The following MARCHF1 variants were observed in gnomAD, a reference collection of about 807,000 sequenced individuals.
MARCHF1 encodes E3 ubiquitin-protein ligase MARCHF1.
In MARCHF1, 40 loss-of-function variants were observed where a neutral mutation model predicts 54.2. That is an observed-to-expected ratio of 0.74 (90% confidence interval 0.57 to 0.96). The LOEUF is 0.96. Among genes scored for constraint, MARCHF1 ranks in the 40% least tolerant of loss-of-function variants. The pLI is 0.00. For synonymous variants in MARCHF1, 236 were observed against 236.3 expected (o/e 1.00, Z 0.01); for missense variants, 586 against 656.5 (o/e 0.89, Z 1.17).
intron 2 of MARCHF1, among the ~76,000 whole-genome samples, chr4:164,078,574 TCAA>T (rs1474340375): frequency 6.6e-6 from 1 of 152,092 alleles, no homozygotes; most frequent in Non-Finnish European, 1.5e-5. Flanking sequence ...TTTGTTGTGT[TCAA>T]CAAAGTAAAA....
intron 8 of MARCHF1, among the ~76,000 whole-genome samples, chr4:163,566,110 C>T (rs1739636253): frequency 6.6e-6 from 1 of 152,152 alleles, no homozygotes. Flanking sequence ...CTAAAAATCA[C>T]CATAAAGCAA....
At chr4:163,948,132 T>A (rs917907878) in intron 3 of MARCHF1, among the ~76,000 whole-genome samples, 1 of 152,226 alleles carries the variant, frequency 6.6e-6, no homozygotes, top group African/African-American at 2.4e-5. Context: ...AGAACAAAGA[T>A]CTATCTGATG....
chr4:164,017,429 C>T (rs535045245), intron 2 of MARCHF1, among the ~76,000 whole-genome samples: 3 of 151,892 alleles, frequency 2.0e-5, no homozygotes, highest in African/African-American at 7.2e-5. Flanking sequence ...GTCTAATGAA[C>T]CTCACAGAAA....
Position 164,025,901 on chromosome 4 carries a change from C to A in MARCHF1, c.-247-37192G>T, listed in dbSNP as rs115719204. ...TGGCAAGGATGGTATTACTCCCAAT[C>A]CCACAGAAATATAAAAGATTATCAG... On this transcript the variant is annotated intron_variant, in intron 2 of 9. Transcript: ENST00000514618. Among the ~76,000 whole-genome samples the A allele has an allele frequency of 3.2e-3, 480 of 152,034 alleles. 3 individuals carry two copies. The highest frequency in any genetic ancestry group is 0.011 in the African/African-American group (464 of 41,512).
At chr4:164,091,410 T>TTTTATACATATA (rs145149996) in intron 2 of MARCHF1, among the ~76,000 whole-genome samples, 1 of 136,944 alleles carries the variant, frequency 7.3e-6, no homozygotes, top group African/African-American at 2.7e-5. Flanking sequence ...TCACCAAGTT[T>TTTTATACATATA]TATATATATA....
At chr4:163,837,504 C>A (rs1749222770) in intron 4 of MARCHF1, among the ~76,000 whole-genome samples, 1 of 151,826 alleles carries the variant, frequency 6.6e-6, no homozygotes, top group Non-Finnish European at 1.5e-5. Flanking sequence ...ACATATCAAA[C>A]AAAACTTGTA....
At chr4:163,749,816 C>G (rs1040319682) in intron 4 of MARCHF1, among the ~76,000 whole-genome samples, 1 of 151,958 alleles carries the variant, frequency 6.6e-6, no homozygotes, top group African/African-American at 2.4e-5. Flanking sequence ...GTGATCCCCA[C>G]TTCGGGAGGC....
At chr4:164,312,866 T>C (rs765117881) in intron 1 of MARCHF1, among the ~76,000 whole-genome samples, 9 of 152,254 alleles carry the variant, frequency 5.9e-5, no homozygotes, top group Non-Finnish European at 1.2e-4. Flanking sequence ...TCAGCCTGCA[T>C]GAGCCCTGTG....
At position 164,274,659 on chromosome 4, in the gene MARCHF1, C is replaced by CTTCTTTTTTTTTTTTTTTTTT. The variant is rs1733826760; in HGVS notation, c.-323+109210_-323+109211insAAAAAAAAAAAAAAAAAAGAA. Among the ~76,000 whole-genome samples the CTTCTTTTTTTTTTTTTTTTTT allele has an allele frequency of 4.9e-4, 22 of 44,658 alleles. 8 individuals carry two copies. Among genetic ancestry groups the CTTCTTTTTTTTTTTTTTTTTT allele is most frequent in the African/African-American group, 1.4e-3 (19 of 13,418 alleles). The allele number at this position is 44,658 out of a possible 152,430, so 29.3% of individuals were successfully genotyped here. A position where few individuals can be genotyped will look rare whatever the true frequency, so the allele number is the denominator to read the frequency against. ...CGCTTGATGTGTGCTTCAGGGTACA[C>CTTCTTTTTTTTTTTTTTTTTT]TTTTTTTTTTTTTTTTTTTTTTTTT... On this transcript the variant is annotated intron_variant, in intron 1 of 9. Coordinates refer to ENST00000514618, the MANE Select transcript of MARCHF1 (RefSeq NM_001394959.1).
intron 9 of MARCHF1, among the ~76,000 whole-genome samples, chr4:163,536,830 G>A (rs1333910213): frequency 6.6e-6 from 1 of 151,940 alleles, no homozygotes; most frequent in African/African-American, 2.4e-5. Context: ...TCCTTCACAA[G>A]GTATCTCTGA....
At chr4:164,110,476 A>C (rs945216757) in intron 2 of MARCHF1, among the ~76,000 whole-genome samples, 1 of 151,798 alleles carries the variant, frequency 6.6e-6, no homozygotes, top group African/African-American at 2.4e-5. Context: ...AAATTTCTAA[A>C]ATCTATTCTA....
chr4:164,176,980 C>CTATATATATATATA (rs71595261), intron 1 of MARCHF1, among the ~76,000 whole-genome samples: 51 of 58,886 alleles, frequency 8.7e-4, no homozygotes, highest in African/African-American at 3.0e-3. Context: ...CTCTCTCTCT[C>CTATATATATATATA]TATATATATA....
rs1202110463 is a variant in MARCHF1, at chr4:163,994,764, C to CAA, written c.-247-6056_-247-6055insTT. ...ATACACACACACACACACACACACA[C>CAA]ACACACACACACACACACACACACA... On this transcript the variant is annotated intron_variant, in intron 2 of 9. Transcript: ENST00000514618. Among the ~76,000 whole-genome samples the CAA allele has an allele frequency of 5.0e-4, 56 of 112,226 alleles. 1 individual carries two copies. Among genetic ancestry groups the CAA allele is most frequent in the African/African-American group, 1.7e-3 (52 of 30,902 alleles). 73.6% of individuals were successfully genotyped at this position (112,226 alleles called of 152,430 possible). A position where few individuals can be genotyped will look rare whatever the true frequency, so the allele number is the denominator to read the frequency against.
At chr4:163,870,682 G>A (rs555729032) in intron 3 of MARCHF1, among the ~76,000 whole-genome samples, 4 of 152,044 alleles carry the variant, frequency 2.6e-5, no homozygotes, top group Admixed American at 6.6e-5. Flanking sequence ...CCTGTCATTC[G>A]CAAAAAAATG....
chr4:164,252,136 T>C (rs1733146695), intron 1 of MARCHF1, among the ~76,000 whole-genome samples: 1 of 152,166 alleles, frequency 6.6e-6, no homozygotes. Flanking sequence ...ACTTAAGCCA[T>C]ACAATTAAAA....
intron 1 of MARCHF1, among the ~76,000 whole-genome samples, chr4:164,162,638 A>G (rs1042532534): frequency 6.6e-6 from 1 of 152,122 alleles, no homozygotes; most frequent in African/African-American, 2.4e-5. Flanking sequence ...AGAGGATTCA[A>G]AAAACATTAT....
intron 4 of MARCHF1, among the ~76,000 whole-genome samples, chr4:163,705,669 G>A (rs936256820): frequency 2.0e-5 from 3 of 151,624 alleles, no homozygotes; most frequent in Non-Finnish European, 3.0e-5. Context: ...AAGAATTGAA[G>A]GAAACCCCTT....
intron 2 of MARCHF1, among the ~76,000 whole-genome samples, chr4:164,000,615 T>G (rs554275861): frequency 2.6e-4 from 39 of 151,714 alleles, no homozygotes; most frequent in Admixed American, 1.1e-3. Flanking sequence ...TTAGATAGAA[T>G]GTAATTTTTT....
chr4:163,570,921 T>C (rs1248300042), intron 8 of MARCHF1, among the ~76,000 whole-genome samples: 1 of 152,112 alleles, frequency 6.6e-6, no homozygotes, highest in Non-Finnish European at 1.5e-5. Flanking sequence ...GATCTCTTCA[T>C]TCATTTTTAT....
Sources: gnomAD v4.1 joint callset for allele counts (sites outside exome capture counted in the v4.1 genomes callset) on GRCh38, gnomAD v4.1.1 for gene constraint, MANE v1.5 for transcripts, NCBI Gene and HGNC (gene_info 2026-07-23, HGNC 2026-07-21) for gene names.